Variants in KCNA3 observed in about 807,000 individuals in gnomAD.
KCNA3 encodes the protein RP11-284N8.3.
In KCNA3, 18 loss-of-function variants were observed where a neutral mutation model predicts 34.3. That is an observed-to-expected ratio of 0.52 (90% CI 0.36 to 0.78). The LOEUF (loss-of-function observed/expected upper bound fraction) is 0.78, where lower values mean the gene tolerates loss of function less well. KCNA3 is among the 30% of genes least tolerant of loss of function. KCNA3 has a pLI of 0.00. For synonymous variants in KCNA3, 324 were observed against 351.7 expected (o/e 0.92, Z 0.88); for missense variants, 587 against 802.5 (o/e 0.73, Z 3.24).
the KCNA3 span, among the ~76,000 whole-genome samples, chr1:110,667,297 TA>T: frequency 6.6e-6 from 1 of 152,050 alleles, no homozygotes; most frequent in African/African-American, 2.4e-5. Context: ...AAAAAGTGGG[TA>T]GGGGCCTCCA....
chr1:110,658,645 T>C, the KCNA3 span, among the ~76,000 whole-genome samples: 1 of 152,044 alleles, frequency 6.6e-6, no homozygotes, highest in Non-Finnish European at 1.5e-5. Flanking sequence ...TAAAAGAATA[T>C]AAAAATAGAA....
At chr1:110,662,612 G>A in the KCNA3 span, among the ~76,000 whole-genome samples, 4 of 152,056 alleles carry the variant, frequency 2.6e-5, no homozygotes, top group South Asian at 6.2e-4. Flanking sequence ...TTTCTTACTC[G>A]ATTCTATATA....
rs1279535879 is a variant in KCNA3 at position 110,674,685 on chromosome 1, T to C, written c.125A>G (p.Glu42Gly). 2 of 1,502,826 alleles carry C rather than the reference T, an allele frequency of 1.3e-6. No homozygotes were observed. Among genetic ancestry groups the C allele is most frequent in the African/African-American group, 2.9e-5 (2 of 69,258 alleles). The allele number at this position is 1,502,826 out of a possible 1,614,324, so 93.1% of individuals were successfully genotyped here. The part of the protein sequence containing the change: ...AHTLVNHGYA[E>G]PAAGRELPPD... ...CGGCAGCTCGCGGCCTGCGGCGGGC[T>C]CCGCGTAGCCGTGGTTCACCAGCGT... The change falls in exon 1 of 1, where the codon GAG becomes GGG. Residue 42 changes from glutamate (E) to glycine (G), a missense_variant. This residue lies in a region of KCNA3 where 341 missense variants were observed against 355.4 expected (regional missense o/e 0.96). Coordinates refer to ENST00000369769, the MANE Select transcript of KCNA3 (RefSeq NM_002232.5). This position sits in a 1 kb window ranked among gnomAD's most constrained non-coding sequence, Gnocchi z 6.4.
Position 110,672,592 on chromosome 1 carries a change from A to G in KCNA3, c.*490T>C, listed in dbSNP as rs916267454. 6.5e-6 allele frequency: 1 copy of G among 154,280 alleles called. No individual in the cohort carries two copies. The highest frequency in any genetic ancestry group is 2.4e-5 in the African/African-American group (1 of 41,554). The allele number at this position is 154,280 out of a possible 1,614,324, so 9.6% of individuals were successfully genotyped here. On this transcript the variant is annotated 3_prime_UTR_variant, in exon 1 of 1. Transcript: ENST00000369769. ...GTTTACAAGTCATTATTCTAGTTAG[A>G]CTCTTCATCCACATATCTACAGGGT...
chr1:110,673,874 C>T lies in KCNA3; in HGVS notation c.936G>A (p.Val312=), dbSNP rs199728420. ...CIIWFSFELL[V]RFFACPSKAT... is the part of the protein sequence containing the mutation. ...CTTTGCTAGGACAAGCGAAGAACCGCACCAGCAGTTCGAAGGAGAACCAGA... is the reference window on the plus strand; with the variant it reads ...CTTTGCTAGGACAAGCGAAGAACCGTACCAGCAGTTCGAAGGAGAACCAGA... The change falls in exon 1 of 1, where the codon GTG becomes GTA. Residue 312 remains valine, a synonymous_variant. Transcript: ENST00000369769. The surrounding 1 kb of genome is among the most constrained non-coding windows in gnomAD (Gnocchi z 8.8). The T allele has an allele frequency of 1.2e-6, 2 of 1,614,158 alleles. No individual in the cohort carries two copies. The highest frequency in any genetic ancestry group is 1.7e-6 in the Non-Finnish European group (2 of 1,180,028).
chr1:110,656,111 C>A, the KCNA3 span: 1 of 152,016 alleles, frequency 6.6e-6, no homozygotes, highest in African/African-American at 2.4e-5. Flanking sequence ...TTTAATGTGA[C>A]AAAAATGCAC....
the KCNA3 span, among the ~76,000 whole-genome samples, chr1:110,665,842 C>G: frequency 3.3e-5 from 5 of 152,052 alleles, no homozygotes; most frequent in Non-Finnish European, 5.9e-5. Context: ...TCTGATAGGT[C>G]AAATTGAAAT....
chr1:110,661,833 C>T, the KCNA3 span, among the ~76,000 whole-genome samples: 2 of 151,924 alleles, frequency 1.3e-5, no homozygotes, highest in East Asian at 1.9e-4. Flanking sequence ...GTCAGCCGGG[C>T]GCGGTGGCTC....
downstream of KCNA3, among the ~76,000 whole-genome samples, chr1:110,670,728 T>C (rs937940485): frequency 6.6e-5 from 10 of 152,072 alleles, no homozygotes; most frequent in African/African-American, 2.2e-4. Context: ...TAAAAACAAA[T>C]ATATGATAAA....
In KCNA3 at chr1:110,674,342, G is replaced by A. The variant is rs750178275; in HGVS notation, c.468C>T (p.Phe156=). Residue 156 remains phenylalanine, a synonymous_variant, in exon 1 of 1, where the codon TTC becomes TTT. Coordinates refer to ENST00000369769, the MANE Select transcript of KCNA3 (RefSeq NM_002232.5). The surrounding 1 kb of genome is among the most constrained non-coding windows in gnomAD (Gnocchi z 6.4). The stretch of plus-strand genomic sequence containing the variant: ...ACTGATAGTAGTAGAGGATGGCGTC[G>A]AAGCTGGGCCGGTTGCGGTCGAAGA... The part of the protein sequence containing the change: ...EYFFDRNRPS[F]DAILYYYQSG... 7 of 1,614,070 alleles carry A rather than the reference G, an allele frequency of 4.3e-6. No homozygotes were observed. The Admixed American group carries it at 8.3e-5, about 19-fold the overall frequency.
chr1:110,654,116 G>T, the KCNA3 span: 6 of 152,106 alleles, frequency 3.9e-5, no homozygotes, highest in African/African-American at 1.4e-4. Context: ...GAATTGAAAG[G>T]AATGTCTTCC....
At chr1:110,656,366 A>G in the KCNA3 span, 6 of 152,140 alleles carry the variant, frequency 3.9e-5, no homozygotes, top group East Asian at 1.9e-4. Flanking sequence ...TATTAGTATT[A>G]GAAACAAGAA....
Position 110,674,181 on chromosome 1 carries a change from G to C in KCNA3, c.629C>G (p.Pro210Arg), listed in dbSNP as rs769925298. 6 of 1,612,042 alleles carry C rather than the reference G, an allele frequency of 3.7e-6. No homozygotes were observed. In the South Asian group the frequency reaches 6.6e-5, roughly 18 times the overall value. The change falls in exon 1 of 1, where the codon CCC becomes CGC. Residue 210 changes from proline (P) to arginine (R), a missense_variant. Physicochemically the swap from Pro to Arg is moderately radical, Grantham distance 103. Coordinates refer to ENST00000369769, the MANE Select transcript of KCNA3 (RefSeq NM_002232.5). This position sits in a 1 kb window ranked among gnomAD's most constrained non-coding sequence, Gnocchi z 6.4. ...DEGFLREEERPLPRRDFQRQV... is the reference protein window; with the variant it reads ...DEGFLREEERRLPRRDFQRQV... Reference sequence around the variant, plus strand: ...GCGCTGGAAGTCGCGGCGGGGCAAGGGCCGCTCCTCCTCCCGCAGGAAGCC... The same window carrying C: ...GCGCTGGAAGTCGCGGCGGGGCAAGCGCCGCTCCTCCTCCCGCAGGAAGCC...
chr1:110,664,201 G>C, the KCNA3 span, among the ~76,000 whole-genome samples: 2 of 152,210 alleles, frequency 1.3e-5, no homozygotes, highest in African/African-American at 4.8e-5. Flanking sequence ...TTCTGATTTT[G>C]CTGTGCTGTC....
chr1:110,667,888 T>G (rs544014643), downstream of KCNA3, among the ~76,000 whole-genome samples: 1 of 152,298 alleles, frequency 6.6e-6, no homozygotes, highest in Non-Finnish European at 1.5e-5. Context: ...AGAATACTAT[T>G]ATCATATGCT....
chr1:110,653,614 T>C, the KCNA3 span: 29 of 152,332 alleles, frequency 1.9e-4, no homozygotes, highest in African/African-American at 6.7e-4. Flanking sequence ...GAAAACACTT[T>C]AAATCCAATG....
rs752982315 is a variant in KCNA3, at chr1:110,674,073, A to G, written c.737T>C (p.Ile246Thr). 1 of 1,608,530 alleles carries G rather than the reference A, an allele frequency of 6.2e-7. No individual in the cohort carries two copies. Among genetic ancestry groups the G allele is most frequent in the East Asian group, 2.2e-5 (1 of 44,732 alleles). ...IAIVSVLVILISIVIFCLETL... is the reference protein window; with the variant it reads ...IAIVSVLVILTSIVIFCLETL... The stretch of plus-strand genomic sequence containing the variant: ...CTCCAGGCAGAAGATGACAATGGAG[A>G]TGAGGATGACCAGCACGGACACGAT... The change falls in exon 1 of 1, where the codon ATC becomes ACC. Residue 246 changes from isoleucine (I) to threonine (T), a missense_variant. Ile to Thr is a moderately conservative substitution (Grantham distance 89, BLOSUM62 -1). Transcript: ENST00000369769. This position sits in a 1 kb window ranked among gnomAD's most constrained non-coding sequence, Gnocchi z 6.4.
chr1:110,667,955 T>C (rs1171770477), downstream of KCNA3, among the ~76,000 whole-genome samples: 1 of 152,146 alleles, frequency 6.6e-6, no homozygotes, highest in African/African-American at 2.4e-5. Flanking sequence ...AATAGTAAGG[T>C]CTGGGCTCTG....
the KCNA3 span, chr1:110,656,314 A>C: frequency 6.6e-6 from 1 of 152,114 alleles, no homozygotes; most frequent in African/African-American, 2.4e-5. Flanking sequence ...AAAAGGTAAG[A>C]TTACTTTTTT....
Sources: gnomAD v4.1 joint callset for allele counts (sites outside exome capture counted in the v4.1 genomes callset) on GRCh38, gnomAD v4.1.1 for gene constraint, gnomAD v4.1.1 regional missense constraint, Gnocchi (gnomAD v3.1) non-coding constraint, MANE v1.5 for transcripts, NCBI Gene and HGNC (gene_info 2026-07-23, HGNC 2026-07-21) for gene names.